The following RBFOX1 variants were observed in gnomAD, a reference collection of about 807,000 sequenced individuals.
RBFOX1 encodes RNA binding fox-1 homolog 1, also known as RNA binding protein fox-1 homolog 1.
In RBFOX1, 8 loss-of-function variants were observed where a neutral mutation model predicts 57.7. That is an observed-to-expected ratio of 0.14 (90% CI 0.08 to 0.25). The LOEUF is 0.25. RBFOX1 is among the 10% of genes least tolerant of loss of function. The pLI, the probability that RBFOX1 is intolerant of heterozygous loss-of-function variation, is 1.00. For synonymous variants in RBFOX1, 326 were observed against 222.4 expected (o/e 1.47, Z -4.15); for missense variants, 611 against 548.5 (o/e 1.11, Z -1.14).
intron 4 of RBFOX1, among the ~76,000 whole-genome samples, chr16:6,005,989 C>T (rs1240726365): frequency 6.6e-6 from 1 of 152,130 alleles, no homozygotes; most frequent in East Asian, 1.9e-4. Context: ...GGAAGGCAGG[C>T]TTGGGCCAAT....
chr16:5,489,524 C>G (rs1032404598), intron 2 of RBFOX1, among the ~76,000 whole-genome samples: 1 of 152,150 alleles, frequency 6.6e-6, no homozygotes, highest in African/African-American at 2.4e-5. Flanking sequence ...CTTGTTTTTC[C>G]TTTTTTGACT....
At chr16:5,658,363 G>C (rs1019337768) in intron 3 of RBFOX1, among the ~76,000 whole-genome samples, 1 of 152,132 alleles carries the variant, frequency 6.6e-6, no homozygotes, top group Non-Finnish European at 1.5e-5. Flanking sequence ...GGGGACCCAG[G>C]CTGTCCTTCC....
At chr16:6,376,613 C>A (rs1323818228) in intron 2 of RBFOX1, among the ~76,000 whole-genome samples, 1 of 152,070 alleles carries the variant, frequency 6.6e-6, no homozygotes, top group Non-Finnish European at 1.5e-5. Flanking sequence ...TCTCTGTGTC[C>A]AGATTTTCTT....
intron 3 of RBFOX1, among the ~76,000 whole-genome samples, chr16:5,739,513 A>T (rs556857476): frequency 6.6e-6 from 1 of 152,256 alleles, no homozygotes; most frequent in Admixed American, 6.5e-5. Context: ...ACTTGTGTGC[A>T]TGGGGTCATT....
At chr16:6,795,555 C>G (rs936385195) in intron 3 of RBFOX1, among the ~76,000 whole-genome samples, 39 of 151,990 alleles carry the variant, frequency 2.6e-4, no homozygotes, top group African/African-American at 8.7e-4. Flanking sequence ...ATCACGAGGT[C>G]ACAAGTTCAA....
intron 1 of RBFOX1, among the ~76,000 whole-genome samples, chr16:6,210,376 A>AC (rs2097287848): frequency 7.0e-6 from 1 of 142,364 alleles, no homozygotes; most frequent in African/African-American, 2.5e-5. Flanking sequence ...AAAAAAAAAA[A>AC]AAGAGAAAGG....
At chr16:6,967,539 C>G (rs1047876008) in intron 3 of RBFOX1, among the ~76,000 whole-genome samples, 6 of 152,242 alleles carry the variant, frequency 3.9e-5, no homozygotes, top group Admixed American at 3.3e-4. Flanking sequence ...GCTGAATAGA[C>G]TGACTTGCTT....
Position 5,274,850 on chromosome 16 carries a change from T to A in RBFOX1, c.219+34745T>A, listed in dbSNP as rs550799549. On this transcript the variant is annotated intron_variant, in intron 1 of 2. Transcript: ENST00000585867. ...GTTTCCCTTTCTGCCTGTGACTGAATGGGCATGTCAGGGTCTAGTAGGGGA... is the reference window on the plus strand; with the variant it reads ...GTTTCCCTTTCTGCCTGTGACTGAAAGGGCATGTCAGGGTCTAGTAGGGGA... Among the ~76,000 whole-genome samples, 17 of 152,346 alleles carry A rather than the reference T, an allele frequency of 1.1e-4. 1 individual carries two copies. The South Asian group carries it at 3.5e-3, about 32-fold the overall frequency.
chr16:7,072,959 G>A (rs2057625487), intron 4 of RBFOX1, among the ~76,000 whole-genome samples: 1 of 152,212 alleles, frequency 6.6e-6, no homozygotes, highest in African/African-American at 2.4e-5. Flanking sequence ...AAGTCTCCAT[G>A]CCCTGAGTTC....
At chr16:6,340,836 A>G (rs2084459429) in intron 2 of RBFOX1, among the ~76,000 whole-genome samples, 1 of 152,174 alleles carries the variant, frequency 6.6e-6, no homozygotes, top group African/African-American at 2.4e-5. Flanking sequence ...TTCAATATGG[A>G]GTTGCCCTTG....
intron 1 of RBFOX1, among the ~76,000 whole-genome samples, chr16:5,367,259 G>T (rs2065742788): frequency 6.6e-6 from 1 of 152,188 alleles, no homozygotes; most frequent in African/African-American, 2.4e-5. Context: ...ACACAAGTGG[G>T]TATCTTATGT....
At chr16:7,439,620 C>G (rs925718223) in intron 4 of RBFOX1, among the ~76,000 whole-genome samples, 1 of 152,178 alleles carries the variant, frequency 6.6e-6, no homozygotes, top group African/African-American at 2.4e-5. Context: ...AGTCCCAACG[C>G]TGCTCAGTTT....
intron 5 of RBFOX1, among the ~76,000 whole-genome samples, chr16:7,541,299 C>A (rs1013913096): frequency 3.3e-5 from 5 of 152,168 alleles, no homozygotes; most frequent in African/African-American, 1.2e-4. Context: ...GAGTGTCTAC[C>A]CTTTGTTGGC....
At chr16:7,481,979 T>A (rs1043622442) in intron 4 of RBFOX1, among the ~76,000 whole-genome samples, 5 of 152,230 alleles carry the variant, frequency 3.3e-5, no homozygotes, top group Non-Finnish European at 7.3e-5. Context: ...GAGATACGGT[T>A]TCTCCTGAAT....
At chr16:6,914,567 A>G (rs1273133620) in intron 3 of RBFOX1, among the ~76,000 whole-genome samples, 1 of 151,946 alleles carries the variant, frequency 6.6e-6, no homozygotes, top group African/African-American at 2.4e-5. Flanking sequence ...CAAAAATAAA[A>G]AAAAAAACCC....
intron 3 of RBFOX1, among the ~76,000 whole-genome samples, chr16:5,738,655 A>AAAAAAAAAAAG (rs1555513202): frequency 6.7e-6 from 1 of 150,276 alleles, no homozygotes; most frequent in African/African-American, 2.4e-5. Context: ...AAAAAAAAAA[A>AAAAAAAAAAAG]GGGAAATCTA....
intron 2 of RBFOX1, among the ~76,000 whole-genome samples, chr16:6,464,906 C>G (rs1055048000): frequency 2.0e-5 from 3 of 152,234 alleles, no homozygotes; most frequent in Non-Finnish European, 4.4e-5. Flanking sequence ...GCACAGAGAT[C>G]CCGGGGGCAA....
At chr16:7,648,229 A>AT (rs563344773) in intron 11 of RBFOX1, among the ~76,000 whole-genome samples, 2 of 151,498 alleles carry the variant, frequency 1.3e-5, no homozygotes, top group Admixed American at 6.6e-5. Flanking sequence ...TTATTTATTT[A>AT]TTTTTTTTGA....
At chr16:6,893,582 C>A (rs983248516) in intron 3 of RBFOX1, among the ~76,000 whole-genome samples, 34 of 152,212 alleles carry the variant, frequency 2.2e-4, no homozygotes, top group African/African-American at 8.2e-4. Flanking sequence ...ATTTAGACCA[C>A]AAAGAATCTC....
Sources: gnomAD v4.1 joint callset for allele counts (sites outside exome capture counted in the v4.1 genomes callset) on GRCh38, gnomAD v4.1.1 for gene constraint, MANE v1.5 for transcripts, NCBI Gene and HGNC (gene_info 2026-07-23, HGNC 2026-07-21) for gene names.